The following FBXO43 variants were observed in gnomAD, a reference collection of about 807,000 sequenced individuals.
FBXO43 encodes the protein F-box only protein 43.
Under a neutral mutation model 56.7 loss-of-function variants are expected in FBXO43, and 22 were observed. The ratio of observed to expected loss-of-function variants is 0.39; its 90% CI spans 0.28 to 0.55. The LOEUF (loss-of-function observed/expected upper bound fraction) is 0.55. Ranked by LOEUF, FBXO43 falls within the 20% of genes least tolerant of loss-of-function variation. The pLI, the probability that FBXO43 is intolerant of heterozygous loss-of-function variation, is 0.66. For missense variants in FBXO43, 733 were observed against 814.9 expected (o/e 0.90, Z 1.22); for synonymous variants, 306 against 294.5 (o/e 1.04, Z -0.40).
At chr8:100,134,854 A>G (rs1185930747) in intron 3 of FBXO43, among the ~76,000 whole-genome samples, 2 of 152,184 alleles carry the variant, frequency 1.3e-5, no homozygotes, top group Admixed American at 1.3e-4. Context: ...TTCAAGTAGA[A>G]AGCAACCAGT....
In FBXO43 at chr8:100,141,308, G is replaced by C. The variant is rs1218594002; in HGVS notation, c.946C>G (p.Gln316Glu). The C allele has an allele frequency of 1.2e-6, 2 of 1,614,014 alleles. No individual in the cohort carries two copies. ...LVANIRFNAS[Q>E]ILSPSPEVRG... ...ACTTCAGGTGAAGGAGAAAGTATTT[G>C]ACTTGCGTTAAATCTAATGTTTGCC... Residue 316 changes from glutamine to glutamate, a missense_variant, in exon 2 of 5, where the codon CAA becomes GAA. By Grantham distance (29) the Gln-to-Glu change is conservative (BLOSUM62 2). Transcript: ENST00000428847.
chr8:100,135,111 T>C (rs77737340), intron 3 of FBXO43, among the ~76,000 whole-genome samples: 3,166 of 152,354 alleles, frequency 0.021, 49 homozygotes, highest in Middle Eastern at 0.068. Flanking sequence ...AGTGTAATCA[T>C]AGTGTACAAC....
At chr8:100,136,342 C>T (rs1164374867) in intron 3 of FBXO43, among the ~76,000 whole-genome samples, 1 of 152,120 alleles carries the variant, frequency 6.6e-6, no homozygotes, top group Non-Finnish European at 1.5e-5. Context: ...TGCTTTATTC[C>T]AATTATTATA....
chr8:100,148,388 A>G (rs1416775220), upstream of FBXO43, among the ~76,000 whole-genome samples: 1 of 152,084 alleles, frequency 6.6e-6, no homozygotes, highest in African/African-American at 2.4e-5. Context: ...CTGTAATTTC[A>G]TATTCTTTAC....
chr8:100,138,911 C>T (rs1349953728), intron 2 of FBXO43, among the ~76,000 whole-genome samples: 5 of 152,120 alleles, frequency 3.3e-5, no homozygotes, highest in Non-Finnish European at 7.4e-5. Context: ...TCAGCCATCT[C>T]CTTAATTTTT....
chr8:100,148,497 C>T (rs920262941), upstream of FBXO43, among the ~76,000 whole-genome samples: 8 of 152,152 alleles, frequency 5.3e-5, no homozygotes, highest in African/African-American at 1.4e-4. Context: ...CTGCAACCTT[C>T]GCCTCCCGGG....
intron 2 of FBXO43, among the ~76,000 whole-genome samples, chr8:100,138,892 T>G (rs1814554827): frequency 6.6e-6 from 1 of 152,084 alleles, no homozygotes; most frequent in Non-Finnish European, 1.5e-5. Flanking sequence ...ATTTTTAAAA[T>G]CCTATATCTC....
chr8:100,138,576 C>G (rs1351238411), intron 2 of FBXO43, among the ~76,000 whole-genome samples: 1 of 152,216 alleles, frequency 6.6e-6, no homozygotes, highest in Non-Finnish European at 1.5e-5. Context: ...AGGAACAGTA[C>G]TGCCAACATA....
At chr8:100,140,255 G>A (rs1814594101) in intron 2 of FBXO43, among the ~76,000 whole-genome samples, 2 of 152,194 alleles carry the variant, frequency 1.3e-5, no homozygotes, top group Non-Finnish European at 2.9e-5. Context: ...TGGATCTTGA[G>A]GTCAGGAGAT....
In FBXO43 at chr8:100,141,250, C is replaced by T; in HGVS notation, c.1004G>A (p.Gly335Asp). Reference sequence around the variant, plus strand: ...TTTCTCCAAGCTAAGTGAGTTAAAACCACTGTCTTCAGGCGTTGAAATACT... The same window carrying T: ...TTTCTCCAAGCTAAGTGAGTTAAAATCACTGTCTTCAGGCGTTGAAATACT... ...RGSISTPEDS[G>D]FNSLSLEKSE... is the part of the protein sequence containing the mutation. The change falls in exon 2 of 5, where the codon GGT (glycine) becomes GAT (aspartate). Residue 335 changes from glycine to aspartate, a missense_variant. By Grantham distance (94) the Gly-to-Asp change is moderately conservative. Transcript: ENST00000428847. 6.2e-7 allele frequency: 1 copy of T among 1,614,130 alleles called. No individual in the cohort carries two copies. The highest frequency in any genetic ancestry group is 2.2e-5 in the East Asian group (1 of 44,888).
Position 100,134,213 on chromosome 8 carries a change from A to G in FBXO43, c.1826T>C (p.Leu609Pro). 2 of 1,614,192 alleles carry G rather than the reference A, an allele frequency of 1.2e-6. No individual in the cohort carries two copies. Among genetic ancestry groups the G allele is most frequent in the Admixed American group, 1.7e-5 (1 of 60,024 alleles). ...TAAGTGAGTAACAGAAGAGCTTGCTAGAGGTGTCAAAACTTCTCCCCAGGG... is the reference window on the plus strand; with the variant it reads ...TAAGTGAGTAACAGAAGAGCTTGCTGGAGGTGTCAAAACTTCTCCCCAGGG... ...LSPWGEVLTP[L>P]ASSSVTHLSS... The change falls in exon 4 of 5, where the codon CTA becomes CCA. Residue 609 changes from leucine (L) to proline (P), a missense_variant. Physicochemically the swap from Leu to Pro is moderately conservative, Grantham distance 98. Transcript: ENST00000428847.
chr8:100,140,579 G>T, intron 2 of FBXO43, 104 bp downstream of exon 2: 1 of 873,580 alleles, frequency 1.1e-6, no homozygotes. Context: ...GACAACAAAA[G>T]ACAGAGATAA....
At chr8:100,148,244 A>G (rs1814865237), upstream of FBXO43, among the ~76,000 whole-genome samples, 1 of 59,632 alleles carries the variant, frequency 1.7e-5, no homozygotes, top group South Asian at 4.2e-4. Flanking sequence ...GTGAAAGACT[A>G]TATCATATCT....
At chr8:100,146,314 T>C (rs1367918341), upstream of FBXO43, among the ~76,000 whole-genome samples, 1 of 152,116 alleles carries the variant, frequency 6.6e-6, no homozygotes, top group Non-Finnish European at 1.5e-5. Context: ...GATTTTGTGA[T>C]AAAAAAGCTG....
At chr8:100,150,110 G>A (rs1398342662), upstream of FBXO43, among the ~76,000 whole-genome samples, 3 of 152,190 alleles carry the variant, frequency 2.0e-5, no homozygotes, top group Non-Finnish European at 4.4e-5. Flanking sequence ...TTTAAAACAA[G>A]TAAACGGATT....
In FBXO43 at chr8:100,133,885, T is replaced by G; in HGVS notation, c.2044A>C (p.Ser682Arg). ...TTTCTTGGCTTTGCTGCTCCTCTAC[T>G]ACATTCTTCAGACCCATGATAAGCA... ...LCAYHGSEEC[S>R]RGAAKPRNRK... Residue 682 changes from serine (S) to arginine (R), a missense_variant, in exon 5 of 5, where the codon AGT (serine) becomes CGT (arginine). Coordinates refer to ENST00000428847, the MANE Select transcript of FBXO43 (RefSeq NM_001029860.4). 2.5e-6 allele frequency: 4 copies of G among 1,614,128 alleles called. No individual in the cohort carries two copies. Among genetic ancestry groups the G allele is most frequent in the Non-Finnish European group, 8.5e-7 (1 of 1,179,998 alleles).
upstream of FBXO43, among the ~76,000 whole-genome samples, chr8:100,148,805 T>C (rs1257660752): frequency 6.6e-6 from 1 of 151,944 alleles, no homozygotes; most frequent in Non-Finnish European, 1.5e-5. Flanking sequence ...ATGCTTCTTT[T>C]TGGGACCATC....
chr8:100,141,363 G>A lies in FBXO43; in HGVS notation c.891C>T (p.Asp297=). 6.2e-7 allele frequency: 1 copy of A among 1,613,384 alleles called. No individual in the cohort carries two copies. Among genetic ancestry groups the A allele is most frequent in the Non-Finnish European group, 8.5e-7 (1 of 1,180,018 alleles). ...VSGTTCGTDE[D]IFVTPISNLV... ...GATTACTTATCGGAGTCACAAATAT[G>A]TCCTCATCTGTTCCACAAGTTGTTC... Residue 297 remains aspartate (D), a synonymous_variant, in exon 2 of 5, where the codon GAC becomes GAT. Coordinates refer to ENST00000428847, the MANE Select transcript of FBXO43 (RefSeq NM_001029860.4).
rs1182633756 is a variant in FBXO43, at chr8:100,134,274, G to T, written c.1765C>A (p.Pro589Thr). ...GACCCTTGCTCTCTCTGAGAACCAG[G>T]TATCCTAGCCTGTGCCTGCACAGAT... Reference protein sequence around the residue: ...LRSVQAQARIPGSQREQGSTL... With the variant: ...LRSVQAQARITGSQREQGSTL... The change falls in exon 4 of 5, where the codon CCT becomes ACT. Residue 589 changes from proline (P) to threonine (T), a missense_variant. Pro to Thr is a conservative substitution (Grantham distance 38). Coordinates refer to ENST00000428847, the MANE Select transcript of FBXO43 (RefSeq NM_001029860.4). 2.5e-6 allele frequency: 4 copies of T among 1,614,022 alleles called. No individual in the cohort carries two copies. The highest frequency in any genetic ancestry group is 3.4e-6 in the Non-Finnish European group (4 of 1,180,042).
Sources: allele counts gnomAD v4.1 joint callset (sites outside exome capture counted in the v4.1 genomes callset), GRCh38; gene constraint gnomAD v4.1.1; transcripts MANE v1.5; gene names NCBI Gene and HGNC (gene_info 2026-07-23, HGNC 2026-07-21).